The following XKR4 variants were observed in gnomAD, a reference collection of about 807,000 sequenced individuals.
XKR4 encodes XK related 4, also known as XK-related protein 4.
XKR4 carries 12 observed loss-of-function variants against 53.9 expected under a neutral mutation model. The ratio of observed to expected loss-of-function variants is 0.22; its 90% CI spans 0.14 to 0.36. The LOEUF (loss-of-function observed/expected upper bound fraction) is 0.36. Ranked by LOEUF, XKR4 falls within the 10% of genes least tolerant of loss-of-function variation. XKR4 has a pLI of 1.00. For missense variants in XKR4, 799 were observed against 859.5 expected (o/e 0.93, Z 0.88); for synonymous variants, 354 against 362.4 (o/e 0.98, Z 0.26).
intron 2 of XKR4, chr8:55,453,307 G>C (rs1178758607): frequency 2.1e-6 from 1 of 483,310 alleles, no homozygotes; most frequent in Non-Finnish European, 4.3e-6. Flanking sequence ...TCATCATACT[G>C]ATGACAAAGT....
chr8:55,465,245 G>C (rs563803805), intron 2 of XKR4, among the ~76,000 whole-genome samples: 4 of 152,046 alleles, frequency 2.6e-5, no homozygotes, highest in African/African-American at 9.7e-5. Context: ...TATACTACAA[G>C]GCTACAGTAA....
chr8:55,434,636 G>A (rs2057450230), intron 2 of XKR4, among the ~76,000 whole-genome samples: 1 of 152,186 alleles, frequency 6.6e-6, no homozygotes, highest in Admixed American at 6.5e-5. Flanking sequence ...ATCATACAAT[G>A]TTTGCAAACA....
At chr8:55,405,024 A>G (rs1049648991) in intron 2 of XKR4, among the ~76,000 whole-genome samples, 1 of 152,228 alleles carries the variant, frequency 6.6e-6, no homozygotes, top group African/African-American at 2.4e-5. Flanking sequence ...GTCTGGTACA[A>G]TTTGTGCAAG....
chr8:55,468,704 C>A (rs1805818365), intron 2 of XKR4, among the ~76,000 whole-genome samples: 1 of 152,110 alleles, frequency 6.6e-6, no homozygotes, highest in Non-Finnish European at 1.5e-5. Context: ...CTTGAAGTCT[C>A]AGGCATTAAA....
intron 2 of XKR4, among the ~76,000 whole-genome samples, chr8:55,456,458 A>T (rs1011691110): frequency 6.6e-6 from 1 of 152,190 alleles, no homozygotes; most frequent in African/African-American, 2.4e-5. Flanking sequence ...AGAAAGAAAG[A>T]AAAAGAAAAA....
At chr8:55,411,291 C>T (rs1414044724) in intron 2 of XKR4, among the ~76,000 whole-genome samples, 1 of 152,194 alleles carries the variant, frequency 6.6e-6, no homozygotes, top group Non-Finnish European at 1.5e-5. Context: ...AGGATCATAA[C>T]TGATTTGACC....
At chr8:55,218,234 A>G (rs550056996) in intron 1 of XKR4, among the ~76,000 whole-genome samples, 2 of 152,376 alleles carry the variant, frequency 1.3e-5, no homozygotes, top group African/African-American at 2.4e-5. Flanking sequence ...AATTCACATC[A>G]GTATTATAAA....
At chr8:55,315,381 A>G (rs979645093) in intron 1 of XKR4, among the ~76,000 whole-genome samples, 1 of 152,202 alleles carries the variant, frequency 6.6e-6, no homozygotes, top group Non-Finnish European at 1.5e-5. Context: ...GCATGTTCTT[A>G]TTAATATTGC....
At chr8:55,378,604 T>C (rs1297636091) in intron 2 of XKR4, among the ~76,000 whole-genome samples, 1 of 152,216 alleles carries the variant, frequency 6.6e-6, no homozygotes, top group Non-Finnish European at 1.5e-5. Context: ...TAATATTTAA[T>C]TTCTTAAGTG....
intron 1 of XKR4, among the ~76,000 whole-genome samples, chr8:55,149,099 T>C (rs1345859758): frequency 6.6e-6 from 1 of 152,232 alleles, no homozygotes; most frequent in Admixed American, 6.5e-5. Flanking sequence ...GAAACAAGTT[T>C]GTAATGAATG....
intron 1 of XKR4, among the ~76,000 whole-genome samples, chr8:55,122,210 T>C (rs926620220): frequency 1.3e-5 from 2 of 152,228 alleles, no homozygotes; most frequent in Non-Finnish European, 2.9e-5. Context: ...ATAATTTTCT[T>C]GTTTACTTTG....
intron 1 of XKR4, among the ~76,000 whole-genome samples, chr8:55,291,431 A>G (rs1355397617): frequency 2.6e-5 from 4 of 152,208 alleles, no homozygotes; most frequent in Non-Finnish European, 4.4e-5. Context: ...AAATTTTGTT[A>G]AAACTGTATG....
chr8:55,454,473 T>A, intron 2 of XKR4: 2 of 1,179,308 alleles, frequency 1.7e-6, no homozygotes, highest in Non-Finnish European at 2.5e-6. Context: ...TCGTGCTCCA[T>A]GAGGGTGGCA....
At chr8:55,434,188 C>T (rs1259912590) in intron 2 of XKR4, among the ~76,000 whole-genome samples, 1 of 152,080 alleles carries the variant, frequency 6.6e-6, no homozygotes, top group African/African-American at 2.4e-5. Context: ...AGAAAATTAA[C>T]AATGACCCAG....
rs573699935 is a variant in XKR4, at chr8:55,109,657, A to T, written c.806+6363A>T. On this transcript the variant is annotated intron_variant, in intron 1 of 2. Coordinates refer to ENST00000327381, the MANE Select transcript of XKR4 (RefSeq NM_052898.2). ...GCAATAACTAGTGCAAAGATTGTAA[A>T]TTTTTTCCATTCACTTGAACTATGA... 3.3e-5 allele frequency among the ~76,000 whole-genome samples: 5 copies of T among 152,204 alleles called. No homozygotes were observed. The East Asian group carries it at 9.6e-4, about 29-fold the overall frequency.
chr8:55,143,459 T>C (rs1343677499), intron 1 of XKR4, among the ~76,000 whole-genome samples: 1 of 152,202 alleles, frequency 6.6e-6, no homozygotes, highest in African/African-American at 2.4e-5. Flanking sequence ...TTAATAATGA[T>C]TTAAAAGTAT....
At chr8:55,298,830 A>T (rs1306875083) in intron 1 of XKR4, among the ~76,000 whole-genome samples, 2 of 152,050 alleles carry the variant, frequency 1.3e-5, no homozygotes, top group African/African-American at 4.8e-5. Flanking sequence ...TGTGTGTAAA[A>T]TTTTTTCTGA....
intron 1 of XKR4, among the ~76,000 whole-genome samples, chr8:55,254,100 G>A (rs544680882): frequency 7.8e-4 from 118 of 151,924 alleles, no homozygotes; most frequent in African/African-American, 2.4e-3. Context: ...AAATGAGAGC[G>A]CTTGCTGTAG....
intron 1 of XKR4, among the ~76,000 whole-genome samples, chr8:55,344,429 A>T (rs1160883811): frequency 6.6e-6 from 1 of 151,344 alleles, no homozygotes; most frequent in Non-Finnish European, 1.5e-5. Flanking sequence ...GTGAGAACAA[A>T]TATTCTGTTA....
Sources: allele counts gnomAD v4.1 joint callset (sites outside exome capture counted in the v4.1 genomes callset), GRCh38; gene constraint gnomAD v4.1.1; transcripts MANE v1.5; gene names NCBI Gene and HGNC (gene_info 2026-07-23, HGNC 2026-07-21).